SH3RF3: variants seen among roughly 807,000 people sequenced by gnomAD.
SH3RF3 encodes SH3 domain containing ring finger 3.
SH3RF3 carries 29 observed loss-of-function variants against 66.3 expected under a neutral mutation model. That is an observed-to-expected ratio of 0.44 (90% CI 0.33 to 0.60). The LOEUF is 0.60. Among genes scored for constraint, SH3RF3 ranks in the 20% least tolerant of loss-of-function variants. The probability of loss-of-function intolerance (pLI) is 0.04; values close to 1 mark genes in which losing one functional copy is unlikely to be tolerated. For missense variants in SH3RF3, 1,194 were observed against 1,190.9 expected (o/e 1.00, Z -0.04); for synonymous variants, 583 against 532.0 (o/e 1.10, Z -1.32).
At chr2:109,358,276 C>G (rs1363551869) in intron 2 of SH3RF3, among the ~76,000 whole-genome samples, 1 of 152,146 alleles carries the variant, frequency 6.6e-6, no homozygotes, top group Non-Finnish European at 1.5e-5. Flanking sequence ...GGATGTACCA[C>G]AGTTTGTTTA....
chr2:109,210,759 G>A (rs1188798870), intron 1 of SH3RF3, among the ~76,000 whole-genome samples: 1 of 152,166 alleles, frequency 6.6e-6, no homozygotes, highest in Non-Finnish European at 1.5e-5. Flanking sequence ...GAAATGCTGT[G>A]AATTAGTCGA....
Position 109,436,930 on chromosome 2 carries a change from G to A in SH3RF3, c.1612G>A (p.Val538Ile), listed in dbSNP as rs769131079. The A allele has an allele frequency of 6.2e-7, 1 of 1,613,684 alleles. No individual in the cohort carries two copies. The highest frequency in any genetic ancestry group is 2.2e-5 in the East Asian group (1 of 44,880). The change falls in exon 7 of 10, where the codon GTA becomes ATA. Residue 538 changes from valine (V) to isoleucine (I), a missense_variant. Coordinates refer to ENST00000309415, the MANE Select transcript of SH3RF3 (RefSeq NM_001099289.3). ...AGGGGCAGGGCCGCCCCGGAATAATGTAGTCGGAGGGTCTCCACTGGCCAA... is the reference window on the plus strand; with the variant it reads ...AGGGGCAGGGCCGCCCCGGAATAATATAGTCGGAGGGTCTCCACTGGCCAA... Reference protein sequence around the residue: ...AGGAGPPRNNVVGGSPLAKGI... With the variant: ...AGGAGPPRNNIVGGSPLAKGI...
chr2:109,269,623 A>AT (rs1680580787), intron 1 of SH3RF3, among the ~76,000 whole-genome samples: 1 of 152,182 alleles, frequency 6.6e-6, no homozygotes, highest in Non-Finnish European at 1.5e-5. Flanking sequence ...TCTACTAAAA[A>AT]TAAAAAAAAT....
chr2:109,485,014 G>A (rs1471841482), intron 8 of SH3RF3, among the ~76,000 whole-genome samples: 1 of 152,246 alleles, frequency 6.6e-6, no homozygotes, highest in African/African-American at 2.4e-5. Context: ...TTCTGGTGCT[G>A]AAAATAGTAC....
At chr2:109,450,597 A>G (rs1294031720) in intron 8 of SH3RF3, among the ~76,000 whole-genome samples, 2 of 152,252 alleles carry the variant, frequency 1.3e-5, no homozygotes, top group Non-Finnish European at 2.9e-5. Flanking sequence ...TAAACCCAAT[A>G]TCCAGAATAT....
At chr2:109,254,782 C>A (rs1304409111) in intron 1 of SH3RF3, among the ~76,000 whole-genome samples, 3 of 152,082 alleles carry the variant, frequency 2.0e-5, no homozygotes, top group Non-Finnish European at 4.4e-5. Context: ...GCCCCATGAG[C>A]GCTCCAGTTA....
At chr2:109,474,709 C>G (rs1301773198) in intron 8 of SH3RF3, among the ~76,000 whole-genome samples, 1 of 152,216 alleles carries the variant, frequency 6.6e-6, no homozygotes, top group African/African-American at 2.4e-5. Context: ...ATCGCAGATA[C>G]TTCACCACCA....
At chr2:109,318,758 A>G (rs1317501728) in intron 1 of SH3RF3, among the ~76,000 whole-genome samples, 6 of 152,144 alleles carry the variant, frequency 3.9e-5, no homozygotes, top group Non-Finnish European at 8.8e-5. Context: ...GTCTCATCCA[A>G]TCTAAAGACA....
intron 2 of SH3RF3, 27 bp from the exon 3 acceptor site, chr2:109,371,559 G>A: frequency 6.2e-7 from 1 of 1,602,474 alleles, no homozygotes; most frequent in Non-Finnish European, 8.5e-7. Flanking sequence ...CCGTATGCTT[G>A]TGTCCACGGT....
Position 109,179,265 on chromosome 2 carries a change from G to A in SH3RF3, c.573+49152G>A, listed in dbSNP as rs114526656. Among the ~76,000 whole-genome samples, 955 of 152,232 alleles carry A rather than the reference G, an allele frequency of 6.3e-3. 15 individuals carry two copies. Among genetic ancestry groups the A allele is most frequent in the African/African-American group, 0.02 (833 of 41,536 alleles). On this transcript the variant is annotated intron_variant, in intron 1 of 9. Coordinates refer to ENST00000309415, the MANE Select transcript of SH3RF3 (RefSeq NM_001099289.3). The stretch of plus-strand genomic sequence containing the variant: ...ATCCTTTTTATCCTCTGATTCTGGA[G>A]GTGATGGCCAAGAAGTAAGAGGATA...
chr2:109,230,596 A>G (rs1331593401), intron 1 of SH3RF3, among the ~76,000 whole-genome samples: 1 of 152,186 alleles, frequency 6.6e-6, no homozygotes, highest in Non-Finnish European at 1.5e-5. Context: ...AAAATAGGAA[A>G]GAAAAGAAAC....
intron 4 of SH3RF3, among the ~76,000 whole-genome samples, chr2:109,408,113 C>G (rs1419122825): frequency 6.6e-6 from 1 of 152,162 alleles, no homozygotes; most frequent in East Asian, 1.9e-4. Context: ...AAGAGTCACT[C>G]CCTTGTCCTA....
intron 1 of SH3RF3, among the ~76,000 whole-genome samples, chr2:109,163,560 G>A (rs915541575): frequency 3.3e-5 from 5 of 150,916 alleles, no homozygotes; most frequent in Non-Finnish European, 7.4e-5. Context: ...CACTACGCCC[G>A]GCTAATTTTT....
At chr2:109,450,957 G>T (rs556698698) in intron 8 of SH3RF3, among the ~76,000 whole-genome samples, 1 of 152,224 alleles carries the variant, frequency 6.6e-6, no homozygotes, top group African/African-American at 2.4e-5. Flanking sequence ...CTTTCTCGAG[G>T]ACATTGCCAA....
chr2:109,435,172 G>T (rs1677364520), intron 6 of SH3RF3, among the ~76,000 whole-genome samples: 1 of 152,218 alleles, frequency 6.6e-6, no homozygotes, highest in African/African-American at 2.4e-5. Flanking sequence ...AGAAGGAACT[G>T]CGCCCGGGTC....
chr2:109,149,525 C>T (rs1210714926), intron 1 of SH3RF3, among the ~76,000 whole-genome samples: 2 of 152,146 alleles, frequency 1.3e-5, no homozygotes, highest in Admixed American at 6.5e-5. Context: ...CATGAGGACC[C>T]AAGGGGAATT....
At chr2:109,277,986 G>A (rs1680795977) in intron 1 of SH3RF3, among the ~76,000 whole-genome samples, 1 of 136,904 alleles carries the variant, frequency 7.3e-6, no homozygotes. Context: ...ATCAGCCTGG[G>A]CAACAAGGAG....
At chr2:109,478,885 A>G (rs147538994) in intron 8 of SH3RF3, among the ~76,000 whole-genome samples, 2 of 152,296 alleles carry the variant, frequency 1.3e-5, no homozygotes, top group East Asian at 3.9e-4. Flanking sequence ...TTTCTTTGTG[A>G]AACTCAGGGA....
Position 109,397,732 on chromosome 2 carries a change from C to T in SH3RF3, c.946-858C>T, listed in dbSNP as rs577975966. 4.0e-4 allele frequency among the ~76,000 whole-genome samples: 61 copies of T among 152,338 alleles called. No homozygotes were observed. In the South Asian group the frequency reaches 0.011, roughly 28 times the overall value. ...CCCAGTGGGTGTGCCTGGGCTGCCC[C>T]TCCCAGCCCCTCCAGGTGATGCCGC... On this transcript the variant is annotated intron_variant, in intron 3 of 9. Coordinates refer to ENST00000309415, the MANE Select transcript of SH3RF3 (RefSeq NM_001099289.3).
Sources: gnomAD v4.1 joint callset for allele counts (sites outside exome capture counted in the v4.1 genomes callset) on GRCh38, gnomAD v4.1.1 for gene constraint, MANE v1.5 for transcripts, NCBI Gene and HGNC (gene_info 2026-07-23, HGNC 2026-07-21) for gene names.